The following MCRIP1 variants were observed in gnomAD, a reference collection of about 807,000 sequenced individuals.
MCRIP1 encodes the protein mapk-regulated corepressor-interacting protein 1.
A neutral mutation model predicts 14.4 loss-of-function variants in MCRIP1; 10 were observed. The ratio of observed to expected loss-of-function variants is 0.70; its 90% CI spans 0.43 to 1.18. MCRIP1 has a LOEUF of 1.18. MCRIP1 is among the 50% of genes most tolerant of loss of function. The probability of loss-of-function intolerance (pLI) is 0.00; values close to 1 mark genes in which losing one functional copy is unlikely to be tolerated. For missense variants in MCRIP1, 119 were observed against 135.4 expected (o/e 0.88, Z 0.60); for synonymous variants, 53 against 55.7 (o/e 0.95, Z 0.21).
intron 1 of MCRIP1, chr17:81,825,063 T>G: frequency 9.8e-7 from 1 of 1,018,562 alleles, no homozygotes; most frequent in Non-Finnish European, 1.2e-6. Flanking sequence ...ATGAGCTTCC[T>G]AAAGGTGATC....
chr17:81,831,665 C>A (rs1196175332), intron 1 of MCRIP1, among the ~76,000 whole-genome samples: 1 of 152,192 alleles, frequency 6.6e-6, no homozygotes, highest in East Asian at 1.9e-4. Context: ...CTGAGAACTT[C>A]CAGTTCAGCG....
At position 81,824,425 on chromosome 17, in the gene MCRIP1, G is replaced by C. The variant is rs751645501; in HGVS notation, c.9-20C>G. On this transcript the variant is annotated intron_variant, in intron 2 of 4. Transcript: ENST00000455127. ...GGGGAGCTGGGGGAGCCTGGCGCAT[G>C]AGACAGGGCACACAGCAGGGTGGGA... 5 of 1,533,284 alleles carry C rather than the reference G, an allele frequency of 3.3e-6. No homozygotes were observed. Among genetic ancestry groups the C allele is most frequent in the Middle Eastern group, 3.3e-4 (2 of 5,992 alleles). 95.0% of individuals were successfully genotyped at this position (1,533,284 alleles called of 1,614,324 possible). A position where few individuals can be genotyped will look rare whatever the true frequency, so the allele number is the denominator to read the frequency against.
intron 1 of MCRIP1, among the ~76,000 whole-genome samples, chr17:81,830,412 A>G (rs1481221815): frequency 6.6e-6 from 1 of 151,662 alleles, no homozygotes; most frequent in African/African-American, 2.4e-5. Flanking sequence ...TGAGGTGGGC[A>G]GATCACCTAA....
At chr17:81,827,462 G>A (rs1016207092) in intron 1 of MCRIP1, among the ~76,000 whole-genome samples, 4 of 151,618 alleles carry the variant, frequency 2.6e-5, no homozygotes, top group Admixed American at 6.6e-5. Context: ...TAGTAGAGAC[G>A]GGATTTCGTC....
intron 1 of MCRIP1, 118 bp from the exon 2 acceptor site, chr17:81,824,672 C>T (rs2038351826): frequency 1.3e-6 from 2 of 1,490,600 alleles, no homozygotes; most frequent in East Asian, 2.5e-5. Context: ...GTGCATGGTC[C>T]CTCTGCCTAC....
At chr17:81,830,212 T>G (rs2038489277) in intron 1 of MCRIP1, among the ~76,000 whole-genome samples, 1 of 152,244 alleles carries the variant, frequency 6.6e-6, no homozygotes, top group South Asian at 2.1e-4. Context: ...TAGGCTCGCC[T>G]GCTCCAATAG....
At position 81,823,204 on chromosome 17, in the gene MCRIP1, C is replaced by A; in HGVS notation, c.*43G>T. On this transcript the variant is annotated 3_prime_UTR_variant, in exon 5 of 5. Transcript: ENST00000455127. This position sits in a 1 kb window ranked among gnomAD's most constrained non-coding sequence, Gnocchi z 6.0. ...ACAGGACAGGAGGGAACCGACACCT[C>A]GCACCCTGATCTTCCGGAGGCCGGG... 6.5e-7 allele frequency: 1 copy of A among 1,527,918 alleles called. No homozygotes were observed. The highest frequency in any genetic ancestry group is 8.8e-7 in the Non-Finnish European group (1 of 1,140,182). 94.6% of individuals were successfully genotyped at this position (1,527,918 alleles called of 1,614,324 possible).
At chr17:81,828,503 G>A (rs370636527) in intron 1 of MCRIP1, among the ~76,000 whole-genome samples, 43 of 152,148 alleles carry the variant, frequency 2.8e-4, no homozygotes, top group African/African-American at 9.4e-4. Flanking sequence ...TCTGCTCCTA[G>A]GTACACACAC....
At position 81,824,330 on chromosome 17, in the gene MCRIP1, G is replaced by C. The variant is rs766014951; in HGVS notation, c.84C>G (p.Ile28Met). 1 of 1,536,196 alleles carries C rather than the reference G, an allele frequency of 6.5e-7. No individual in the cohort carries two copies. The highest frequency in any genetic ancestry group is 1.2e-5 in the South Asian group (1 of 84,020). Residue 28 changes from isoleucine to methionine, a missense_variant, in exon 3 of 5, where the codon ATC (isoleucine) becomes ATG (methionine). Coordinates refer to ENST00000455127, the MANE Select transcript of MCRIP1 (RefSeq NM_207368.5). ...CGTTCTCCTCGTGGGCTGGGGTGAAGATCTCGCTGCTGCTGGGTGGGGAGC... is the reference window on the plus strand; with the variant it reads ...CGTTCTCCTCGTGGGCTGGGGTGAACATCTCGCTGCTGCTGGGTGGGGAGC... Reference protein sequence around the residue: ...SPRSPPSSSEIFTPAHEENVR... With the variant: ...SPRSPPSSSEMFTPAHEENVR...
At chr17:81,826,298 C>G in intron 1 of MCRIP1, 8 of 1,535,346 alleles carry the variant, frequency 5.2e-6, no homozygotes, top group Non-Finnish European at 7.0e-6. Flanking sequence ...ACATCTGCCA[C>G]ACACATGCAT....
intron 1 of MCRIP1, among the ~76,000 whole-genome samples, chr17:81,832,092 G>A (rs770533656): frequency 2.6e-5 from 4 of 152,200 alleles, no homozygotes; most frequent in Non-Finnish European, 5.9e-5. Context: ...TGAGGTTCCA[G>A]AGTTAGAATC....
intron 1 of MCRIP1, among the ~76,000 whole-genome samples, chr17:81,829,135 G>A (rs140325700): frequency 8.5e-5 from 13 of 152,298 alleles, no homozygotes; most frequent in Non-Finnish European, 1.3e-4. Context: ...GGGGGCAGCC[G>A]GAAAAGACCC....
chr17:81,824,935 C>G (rs1254266877), intron 1 of MCRIP1: 1 of 1,127,876 alleles, frequency 8.9e-7, no homozygotes, highest in Non-Finnish European at 1.1e-6. Context: ...TGATGTCCAG[C>G]TGCCTCTCAC....
At chr17:81,824,429 CAG>C (rs1567824197) in intron 2 of MCRIP1, 24 bp from the exon 3 acceptor site, 1 of 1,534,112 alleles carries the variant, frequency 6.5e-7, no homozygotes, top group South Asian at 1.2e-5. Flanking sequence ...GCGCATGAGA[CAG>C]GGCACACAGC....
Position 81,826,140 on chromosome 17 carries a change from C to T in MCRIP1, c.-48-1586G>A, listed in dbSNP as rs1307855317. On this transcript the variant is annotated intron_variant, in intron 1 of 4. Coordinates refer to ENST00000455127, the MANE Select transcript of MCRIP1 (RefSeq NM_207368.5). ...TGGCCTGGGATCCCCCTGCTGGGTT[C>T]GGTTGTCACTCCTGCCCCAGATCCC... The T allele has an allele frequency of 3.4e-6, 5 of 1,487,046 alleles. No individual in the cohort carries two copies. In the South Asian group the frequency reaches 4.0e-5, roughly 12 times the overall value. The allele number at this position is 1,487,046 out of a possible 1,614,324, so 92.1% of individuals were successfully genotyped here. A position where few individuals can be genotyped will look rare whatever the true frequency, so the allele number is the denominator to read the frequency against.
intron 1 of MCRIP1, 83 bp downstream of exon 1, chr17:81,833,155 C>G (rs1261171666): frequency 6.8e-6 from 1 of 146,678 alleles, no homozygotes; most frequent in East Asian, 1.9e-4. Flanking sequence ...CACCCGCGGC[C>G]GCGCGGCGAC....
chr17:81,827,857 T>C (rs2038441441), intron 1 of MCRIP1, among the ~76,000 whole-genome samples: 1 of 145,754 alleles, frequency 6.9e-6, no homozygotes, highest in Admixed American at 7.0e-5. Flanking sequence ...CTTGGCTCAC[T>C]GCAAGCTCCG....
At chr17:81,829,330 G>T (rs1182433480) in intron 1 of MCRIP1, among the ~76,000 whole-genome samples, 3 of 152,300 alleles carry the variant, frequency 2.0e-5, no homozygotes, top group African/African-American at 4.8e-5. Context: ...ACCCCATCCA[G>T]CCCGGCCCCC....
At position 81,823,018 on chromosome 17, in the gene MCRIP1, G is replaced by A; in HGVS notation, c.*229C>T. The A allele has an allele frequency of 1.7e-6, 1 of 601,800 alleles. No individual in the cohort carries two copies. 37.3% of individuals were successfully genotyped at this position (601,800 alleles called of 1,614,324 possible). On this transcript the variant is annotated 3_prime_UTR_variant, in exon 5 of 5. Transcript: ENST00000455127. The surrounding 1 kb of genome is among the most constrained non-coding windows in gnomAD (Gnocchi z 6.0). ...GCCAGGTGGCTGGGGGAGGGCAGGA[G>A]GGTGGGCAGGGCCCAGACCCCCATG...
Sources: allele counts gnomAD v4.1 joint callset (sites outside exome capture counted in the v4.1 genomes callset), GRCh38; gene constraint gnomAD v4.1.1; non-coding constraint Gnocchi (gnomAD v3.1); transcripts MANE v1.5; gene names NCBI Gene and HGNC (gene_info 2026-07-23, HGNC 2026-07-21).